Variants in MATCAP2 observed in about 807,000 individuals in gnomAD.
The protein encoded by MATCAP2 is putative tyrosine carboxypeptidase MATCAP2.
the MATCAP2 span, among the ~76,000 whole-genome samples, chr7:36,364,739 A>G: frequency 1.2e-4 from 18 of 152,310 alleles, no homozygotes; most frequent in African/African-American, 4.1e-4. Context: ...TTAACTCTCT[A>G]CATGAAGTTT....
the MATCAP2 span, among the ~76,000 whole-genome samples, chr7:36,354,644 T>C: frequency 6.6e-6 from 1 of 152,252 alleles, no homozygotes; most frequent in Admixed American, 6.5e-5. Context: ...CATTATTCAC[T>C]CGGTAGCTGA....
At chr7:36,354,968 T>C in the MATCAP2 span, among the ~76,000 whole-genome samples, 1 of 152,204 alleles carries the variant, frequency 6.6e-6, no homozygotes, top group East Asian at 1.9e-4. Context: ...TTCTTTTTCA[T>C]CTAATGGTTG....
the MATCAP2 span, among the ~76,000 whole-genome samples, chr7:36,379,475 T>C: frequency 1.3e-5 from 2 of 152,228 alleles, no homozygotes; most frequent in Non-Finnish European, 2.9e-5. Flanking sequence ...TGTGTGTGTA[T>C]GTGTATATAT....
chr7:36,351,938 TG>T, the MATCAP2 span, among the ~76,000 whole-genome samples: 19 of 66,200 alleles, frequency 2.9e-4, no homozygotes, highest in African/African-American at 8.4e-4. Context: ...AAAGGGAGAT[TG>T]TTAAAAAAAA....
At chr7:36,363,419 C>T in the MATCAP2 span, among the ~76,000 whole-genome samples, 3 of 152,130 alleles carry the variant, frequency 2.0e-5, no homozygotes, top group Admixed American at 2.0e-4. Flanking sequence ...GAACTAGATG[C>T]GTTCTATTTT....
the MATCAP2 span, among the ~76,000 whole-genome samples, chr7:36,379,292 G>A: frequency 6.6e-6 from 1 of 152,206 alleles, no homozygotes; most frequent in Non-Finnish European, 1.5e-5. Context: ...ATCACCTGGG[G>A]AGTGTACGAA....
the MATCAP2 span, among the ~76,000 whole-genome samples, chr7:36,336,720 A>T: frequency 4.6e-5 from 7 of 152,076 alleles, no homozygotes; most frequent in African/African-American, 1.7e-4. Context: ...GAAAAAAAAA[A>T]TTTCAGAATT....
chr7:36,356,999 G>A, the MATCAP2 span: 1 of 1,614,186 alleles, frequency 6.2e-7, no homozygotes, highest in East Asian at 2.2e-5. Context: ...GGTATAGTCA[G>A]ATTTGAAGAA....
the MATCAP2 span, among the ~76,000 whole-genome samples, chr7:36,358,534 C>G: frequency 6.6e-6 from 1 of 152,134 alleles, no homozygotes; most frequent in Non-Finnish European, 1.5e-5. Context: ...ATAACTATTA[C>G]AAAGGTATTA....
chr7:36,334,990 T>C, the MATCAP2 span: 1 of 1,504,030 alleles, frequency 6.6e-7, no homozygotes, highest in Non-Finnish European at 9.0e-7. Flanking sequence ...AAAGAACATT[T>C]CTTTAGAGCT....
At chr7:36,330,594 A>G in the MATCAP2 span, among the ~76,000 whole-genome samples, 21 of 152,310 alleles carry the variant, frequency 1.4e-4, no homozygotes, top group African/African-American at 4.8e-4. Flanking sequence ...TTTAGATGTT[A>G]TATTTAATAA....
chr7:36,346,218 C>T, the MATCAP2 span, among the ~76,000 whole-genome samples: 2 of 152,080 alleles, frequency 1.3e-5, no homozygotes, highest in Non-Finnish European at 2.9e-5. Context: ...CTTTGAAAAA[C>T]AGTCTGGCAG....
chr7:36,355,683 G>T, the MATCAP2 span: 1 of 152,236 alleles, frequency 6.6e-6, no homozygotes, highest in East Asian at 1.9e-4. Context: ...ACTATTATCA[G>T]CAAAAATGCT....
the MATCAP2 span, among the ~76,000 whole-genome samples, chr7:36,328,498 C>T: frequency 6.6e-6 from 1 of 151,802 alleles, no homozygotes; most frequent in African/African-American, 2.4e-5. Context: ...AATCCCAGCA[C>T]TTTGGGAGGC....
At chr7:36,355,812 T>A in the MATCAP2 span, 1 of 152,212 alleles carries the variant, frequency 6.6e-6, no homozygotes, top group African/African-American at 2.4e-5. Flanking sequence ...CTGAACAAAG[T>A]TAATTTGACC....
chr7:36,328,244 G>GGGGC, the MATCAP2 span, among the ~76,000 whole-genome samples: 2 of 128,252 alleles, frequency 1.6e-5, no homozygotes, highest in South Asian at 2.5e-4. Flanking sequence ...TTTTGTAGGG[G>GGGGC]GGGGGGGTCT....
At chr7:36,362,287 G>A in the MATCAP2 span, among the ~76,000 whole-genome samples, 9 of 152,124 alleles carry the variant, frequency 5.9e-5, no homozygotes, top group African/African-American at 2.2e-4. Context: ...AAAATGAGAC[G>A]AAAGGCACTG....
chr7:36,349,857 C>G, the MATCAP2 span, among the ~76,000 whole-genome samples: 3 of 152,182 alleles, frequency 2.0e-5, no homozygotes, highest in African/African-American at 7.2e-5. Flanking sequence ...GACATATAAT[C>G]TGATGGGGGA....
the MATCAP2 span, chr7:36,357,019 TTCTTTC>T: frequency 6.2e-7 from 1 of 1,614,162 alleles, no homozygotes; most frequent in Non-Finnish European, 8.5e-7. Flanking sequence ...ATCTCAGTTT[TTCTTTC>T]TCTAAGTTGG....
Sources: gnomAD v4.1 joint callset for allele counts (sites outside exome capture counted in the v4.1 genomes callset) on GRCh38, gnomAD v4.1.1 for gene constraint, MANE v1.5 for transcripts, NCBI Gene and HGNC (gene_info 2026-07-23, HGNC 2026-07-21) for gene names.